Variants in SYNRG observed in about 807,000 individuals in gnomAD.
SYNRG encodes synergin gamma, also known as AP1 gamma subunit binding protein 1.
In SYNRG, 37 loss-of-function variants were observed where a neutral mutation model predicts 130.9. The ratio of observed to expected loss-of-function variants is 0.28; its 90% CI spans 0.22 to 0.37. SYNRG has a LOEUF of 0.37. Ranked by LOEUF, SYNRG falls within the 10% of genes least tolerant of loss-of-function variation. The pLI is 1.00. For missense variants in SYNRG, 1,338 were observed against 1,588.9 expected (o/e 0.84, Z 2.68); for synonymous variants, 539 against 568.1 (o/e 0.95, Z 0.73).
At chr17:37,591,627 G>A (rs2062200545) in intron 3 of SYNRG, among the ~76,000 whole-genome samples, 1 of 152,194 alleles carries the variant, frequency 6.6e-6, no homozygotes, top group Admixed American at 6.5e-5. Flanking sequence ...GAACAGAACA[G>A]AGAACCTAGA....
intron 9 of SYNRG, 103 bp downstream of exon 9, chr17:37,571,688 A>G: frequency 9.4e-7 from 1 of 1,058,576 alleles, no homozygotes; most frequent in South Asian, 1.9e-5. Flanking sequence ...AATGATCTAA[A>G]TTTTAATGTA....
intron 8 of SYNRG, among the ~76,000 whole-genome samples, chr17:37,573,146 G>GTAATCCC (rs1393201128): frequency 2.0e-5 from 3 of 152,134 alleles, no homozygotes; most frequent in Non-Finnish European, 4.4e-5. Context: ...GCTCATGCCT[G>GTAATCCC]TAATCCCAGT....
Position 37,542,506 on chromosome 17 carries a change from T to C in SYNRG, c.2668A>G (p.Thr890Ala). Residue 890 changes from threonine (T) to alanine (A), a missense_variant, in exon 15 of 22, where the codon ACA becomes GCA. By Grantham distance (58) the Thr-to-Ala change is moderately conservative. This residue lies in a region of SYNRG where 1,146 missense variants were observed against 1,342.3 expected (regional missense o/e 0.85). Coordinates refer to ENST00000612223, the MANE Select transcript of SYNRG (RefSeq NM_007247.6). ...GSYSSNFAVS[T>A]LTSYDWSDRD... ...TCTGACCAGTCATAGCTTGTAAGTG[T>C]GCTCACTGCAAAATTGCTACTGTAG... The C allele has an allele frequency of 1.2e-6, 2 of 1,613,466 alleles. No individual in the cohort carries two copies. Among genetic ancestry groups the C allele is most frequent in the Non-Finnish European group, 1.7e-6 (2 of 1,180,032 alleles).
intron 3 of SYNRG, among the ~76,000 whole-genome samples, chr17:37,589,140 T>C (rs1247806530): frequency 6.6e-6 from 1 of 152,200 alleles, no homozygotes; most frequent in East Asian, 1.9e-4. Context: ...AGAAGTATAG[T>C]ATGACAGTTA....
At chr17:37,538,068 T>C (rs1199986297) in intron 18 of SYNRG, among the ~76,000 whole-genome samples, 1 of 152,236 alleles carries the variant, frequency 6.6e-6, no homozygotes, top group Non-Finnish European at 1.5e-5. Context: ...GATTCTTTGA[T>C]AAACCAGTAA....
chr17:37,584,148 A>G (rs1028847934), intron 6 of SYNRG, among the ~76,000 whole-genome samples: 5 of 152,152 alleles, frequency 3.3e-5, no homozygotes, highest in Non-Finnish European at 7.3e-5. Flanking sequence ...CTTACCTGAC[A>G]ATAAATGATG....
chr17:37,599,062 A>T (rs137960220), intron 2 of SYNRG, among the ~76,000 whole-genome samples: 1 of 152,364 alleles, frequency 6.6e-6, no homozygotes, highest in African/African-American at 2.4e-5. Flanking sequence ...AGGATGAGCC[A>T]CTGACCACCT....
intron 11 of SYNRG, among the ~76,000 whole-genome samples, chr17:37,565,400 C>T (rs1040494766): frequency 1.3e-5 from 2 of 152,176 alleles, no homozygotes; most frequent in Non-Finnish European, 2.9e-5. Flanking sequence ...GCTACAACCT[C>T]CACCTCCCAG....
intron 1 of SYNRG, among the ~76,000 whole-genome samples, chr17:37,607,977 A>AAAAAAAAAAC (rs1555802869): frequency 5.8e-5 from 7 of 121,596 alleles, no homozygotes; most frequent in Admixed American, 2.6e-4. Flanking sequence ...AAAAAAAAAA[A>AAAAAAAAAAC]AAACAAGACA....
Position 37,600,667 on chromosome 17 carries a change from C to T in SYNRG, c.78-264G>A, listed in dbSNP as rs975615131. The stretch of plus-strand genomic sequence containing the variant: ...TGTCACTTCGTGTCCTCTCTGGATT[C>T]CAGTTTCCCCATCTATAAAATGAGA... On this transcript the variant is annotated intron_variant, in intron 1 of 21. Coordinates refer to ENST00000612223, the MANE Select transcript of SYNRG (RefSeq NM_007247.6). 8.8e-6 allele frequency: 5 copies of T among 566,954 alleles called. No individual in the cohort carries two copies. The African/African-American group carries it at 9.5e-5, about 11-fold the overall frequency. The allele number at this position is 566,954 out of a possible 1,614,324, so 35.1% of individuals were successfully genotyped here. A position where few individuals can be genotyped will look rare whatever the true frequency, so the allele number is the denominator to read the frequency against.
At chr17:37,572,937 C>A (rs2060542867) in intron 8 of SYNRG, among the ~76,000 whole-genome samples, 2 of 152,096 alleles carry the variant, frequency 1.3e-5, no homozygotes, top group African/African-American at 4.8e-5. Flanking sequence ...TTGCTGTTTA[C>A]CTGAAATTCA....
chr17:37,564,721 A>G (rs944633472), intron 11 of SYNRG, among the ~76,000 whole-genome samples: 1 of 152,214 alleles, frequency 6.6e-6, no homozygotes, highest in Non-Finnish European at 1.5e-5. Flanking sequence ...TCTTTTTAAA[A>G]CAATGTGGAG....
chr17:37,553,039 C>T, intron 14 of SYNRG, 76 bp downstream of exon 14: 4 of 1,356,642 alleles, frequency 2.9e-6, no homozygotes, highest in Non-Finnish European at 3.1e-6. Flanking sequence ...GAGCCTTACT[C>T]ATGTAAATCA....
intron 21 of SYNRG, 31 bp from the exon 22 acceptor site, chr17:37,519,102 G>C (rs369644257): frequency 2.5e-6 from 4 of 1,606,008 alleles, no homozygotes; most frequent in Non-Finnish European, 3.4e-6. Context: ...TGTGGGGCAA[G>C]TCAGGCTTTT....
At chr17:37,556,659 G>A (rs2059146875) in intron 13 of SYNRG, among the ~76,000 whole-genome samples, 1 of 151,844 alleles carries the variant, frequency 6.6e-6, no homozygotes, top group East Asian at 1.9e-4. Flanking sequence ...TAATAAGAGA[G>A]GAACAGCATT....
chr17:37,571,668 A>G (rs1213512806), intron 9 of SYNRG, 123 bp downstream of exon 9: 3 of 852,844 alleles, frequency 3.5e-6, no homozygotes, highest in Non-Finnish European at 5.3e-6. Flanking sequence ...TTGAAGTACT[A>G]TATCCTGAAA....
intron 19 of SYNRG, among the ~76,000 whole-genome samples, chr17:37,532,779 AC>A (rs1408811373): frequency 8.6e-5 from 13 of 151,680 alleles, no homozygotes; most frequent in African/African-American, 3.1e-4. Context: ...GAATCACTTC[AC>A]GTTTTTGCTC....
At chr17:37,609,022 C>T (rs1321378830) in intron 1 of SYNRG, among the ~76,000 whole-genome samples, 1 of 135,358 alleles carries the variant, frequency 7.4e-6, no homozygotes, top group Non-Finnish European at 1.6e-5. Context: ...CATCTTCTCT[C>T]CCCTCCCACA....
At chr17:37,579,229 A>C in intron 6 of SYNRG, 1 of 1,276,760 alleles carries the variant, frequency 7.8e-7, no homozygotes, top group Non-Finnish European at 1.0e-6. Context: ...TCTGACTTGG[A>C]GGGAGAGGCT....
Sources: allele counts gnomAD v4.1 joint callset (sites outside exome capture counted in the v4.1 genomes callset), GRCh38; gene constraint gnomAD v4.1.1; regional missense constraint gnomAD v4.1.1; transcripts MANE v1.5; gene names NCBI Gene and HGNC (gene_info 2026-07-23, HGNC 2026-07-21).